NCOA1: variants seen among roughly 807,000 people sequenced by gnomAD.
NCOA1 encodes the protein Hin-2 protein.
Under a neutral mutation model 150.9 loss-of-function variants are expected in NCOA1, and 35 were observed. The observed-to-expected ratio is 0.23, with a 90% CI of 0.18 to 0.31. The LOEUF is 0.31. Among genes scored for constraint, NCOA1 ranks in the 10% least tolerant of loss-of-function variants. The probability of loss-of-function intolerance (pLI) is 1.00; values close to 1 mark genes in which losing one functional copy is unlikely to be tolerated. For synonymous variants in NCOA1, 590 were observed against 630.0 expected (o/e 0.94, Z 0.95); for missense variants, 1,491 against 1,749.3 (o/e 0.85, Z 2.63).
chr2:24,694,587 G>A (rs962551017), intron 10 of NCOA1, among the ~76,000 whole-genome samples: 1 of 152,092 alleles, frequency 6.6e-6, no homozygotes, highest in Non-Finnish European at 1.5e-5. Context: ...TAAAGAACTA[G>A]TATGGATAAA....
intron 19 of NCOA1, among the ~76,000 whole-genome samples, chr2:24,749,668 T>C (rs1486708855): frequency 2.6e-5 from 4 of 152,118 alleles, no homozygotes; most frequent in Non-Finnish European, 5.9e-5. Context: ...TTAACCTGTT[T>C]CCATGTAGCC....
At chr2:24,727,880 G>C (rs967285368) in intron 15 of NCOA1, among the ~76,000 whole-genome samples, 1 of 152,178 alleles carries the variant, frequency 6.6e-6, no homozygotes, top group Non-Finnish European at 1.5e-5. Flanking sequence ...GTACTGTTTT[G>C]ATTGTGGTTC....
At chr2:24,619,409 G>A (rs574586461) in intron 3 of NCOA1, among the ~76,000 whole-genome samples, 69 of 152,238 alleles carry the variant, frequency 4.5e-4, no homozygotes, top group African/African-American at 1.6e-3. Flanking sequence ...ACCAATAGTA[G>A]GAGTGATCAT....
At chr2:24,700,146 A>ATAG (rs761759546) in intron 11 of NCOA1, among the ~76,000 whole-genome samples, 3 of 105,600 alleles carry the variant, frequency 2.8e-5, no homozygotes, top group Non-Finnish European at 5.6e-5. Flanking sequence ...TTCATCGCTA[A>ATAG]TAATAATAAT....
At chr2:24,718,983 C>T (rs1175800980) in intron 14 of NCOA1, among the ~76,000 whole-genome samples, 1 of 135,864 alleles carries the variant, frequency 7.4e-6, no homozygotes, top group Non-Finnish European at 1.5e-5. Context: ...TAGCCGAGAT[C>T]GCACCATTGC....
At chr2:24,717,462 C>T (rs754840186) in intron 14 of NCOA1, among the ~76,000 whole-genome samples, 23 of 152,152 alleles carry the variant, frequency 1.5e-4, no homozygotes, top group Non-Finnish European at 2.9e-4. Flanking sequence ...GTCAAAAGAT[C>T]AGGAGTTGCC....
At chr2:24,511,901 C>T (rs927456010) in intron 1 of NCOA1, among the ~76,000 whole-genome samples, 3 of 151,464 alleles carry the variant, frequency 2.0e-5, no homozygotes, top group African/African-American at 7.3e-5. Context: ...GAGTTAGATC[C>T]CAATTTTTTT....
chr2:24,649,711 G>C (rs1670628347), intron 4 of NCOA1, among the ~76,000 whole-genome samples: 2 of 151,962 alleles, frequency 1.3e-5, no homozygotes, highest in Non-Finnish European at 2.9e-5. Context: ...AAACTAATTT[G>C]GTTTTCCTTT....
chr2:24,666,638 A>ATT (rs36037041), intron 6 of NCOA1, among the ~76,000 whole-genome samples: 54 of 145,416 alleles, frequency 3.7e-4, no homozygotes, highest in Middle Eastern at 7.0e-3. Flanking sequence ...AAAAACCCGG[A>ATT]TTTTTTTTTT....
intron 17 of NCOA1, among the ~76,000 whole-genome samples, chr2:24,731,753 A>G (rs953308577): frequency 2.8e-4 from 43 of 152,244 alleles, no homozygotes; most frequent in African/African-American, 8.9e-4. Flanking sequence ...CTTTCCATTC[A>G]TCTTTAGATA....
Position 24,572,416 on chromosome 2 carries a change from A to C in NCOA1, c.-260+7986A>C, listed in dbSNP as rs139826266. On this transcript the variant is annotated intron_variant, in intron 2 of 22. Transcript: ENST00000348332. ...TTTAGGGAAAATGTGACCTGTCCCA[A>C]CTTCTTGAGTGTTTTGGTTCCTCTT... Among the ~76,000 whole-genome samples, 12 of 152,302 alleles carry C rather than the reference A, an allele frequency of 7.9e-5. 1 individual carries two copies. The highest frequency in any genetic ancestry group is 2.6e-4 in the African/African-American group (11 of 41,576).
chr2:24,618,717 C>A (rs530566758), intron 3 of NCOA1, among the ~76,000 whole-genome samples: 3 of 152,106 alleles, frequency 2.0e-5, no homozygotes, highest in Admixed American at 6.5e-5. Flanking sequence ...TATGTTCCCC[C>A]CTCCTGTATT....
At chr2:24,563,326 A>G (rs1666362039) in intron 1 of NCOA1, among the ~76,000 whole-genome samples, 1 of 152,198 alleles carries the variant, frequency 6.6e-6, no homozygotes, top group Admixed American at 6.5e-5. Context: ...ATAAAGCCCA[A>G]GAGTGATAGG....
In NCOA1 at chr2:24,545,880, C is replaced by T. The variant is rs141455242; in HGVS notation, c.-395-18415C>T. Among the ~76,000 whole-genome samples, 303 of 152,250 alleles carry T rather than the reference C, an allele frequency of 2.0e-3. 1 individual carries two copies. The highest frequency in any genetic ancestry group is 7.1e-3 in the African/African-American group (294 of 41,538). On this transcript the variant is annotated intron_variant, in intron 1 of 22. Coordinates refer to ENST00000348332, the MANE Select transcript of NCOA1 (RefSeq NM_003743.5). Reference sequence around the variant, plus strand: ...CGATCTCGGCTCACTGCAACCTCTGCCTCCCAGGTTCAAGCAATCCTGCCT... The same window carrying T: ...CGATCTCGGCTCACTGCAACCTCTGTCTCCCAGGTTCAAGCAATCCTGCCT...
chr2:24,534,057 GAATCC>G (rs1266817674), intron 1 of NCOA1, among the ~76,000 whole-genome samples: 2 of 151,092 alleles, frequency 1.3e-5, no homozygotes, highest in Admixed American at 6.7e-5. Flanking sequence ...ATTCAGCTGT[GAATCC>G]GTCTGGTCCT....
chr2:24,493,339 G>T (rs1663060795), intron 1 of NCOA1, among the ~76,000 whole-genome samples: 1 of 152,214 alleles, frequency 6.6e-6, no homozygotes, highest in Non-Finnish European at 1.5e-5. Context: ...GAGGGTCTGA[G>T]TTGGGAATAT....
chr2:24,597,848 A>C (rs1667944574), intron 3 of NCOA1, among the ~76,000 whole-genome samples: 1 of 152,110 alleles, frequency 6.6e-6, no homozygotes, highest in Admixed American at 6.5e-5. Flanking sequence ...TTACATACGT[A>C]TATATGTGCC....
At chr2:24,713,296 CACAA>C (rs905554948) in intron 14 of NCOA1, among the ~76,000 whole-genome samples, 2 of 151,338 alleles carry the variant, frequency 1.3e-5, no homozygotes, top group Admixed American at 1.3e-4. Context: ...AAAAGAATTA[CACAA>C]ACAAGGGTGG....
At chr2:24,621,910 A>C (rs552030638) in intron 3 of NCOA1, among the ~76,000 whole-genome samples, 3 of 152,320 alleles carry the variant, frequency 2.0e-5, no homozygotes, top group East Asian at 3.9e-4. Flanking sequence ...TCATTTCCCC[A>C]AACCTAATGT....
Sources: allele counts gnomAD v4.1 joint callset (sites outside exome capture counted in the v4.1 genomes callset), GRCh38; gene constraint gnomAD v4.1.1; transcripts MANE v1.5; gene names NCBI Gene and HGNC (gene_info 2026-07-23, HGNC 2026-07-21).